Variants in PYCR1 observed in about 807,000 individuals in gnomAD.
PYCR1 encodes the protein pyrroline-5-carboxylate reductase 1, also known as pyrroline-5-carboxylate reductase 1, mitochondrial.
A neutral mutation model predicts 22.9 loss-of-function variants in PYCR1; 19 were observed. The ratio of observed to expected loss-of-function variants is 0.83; its 90% CI spans 0.58 to 1.22. The LOEUF is 1.22. Ranked by LOEUF, PYCR1 falls within the 50% of genes most tolerant of loss-of-function variation. The pLI, the probability that PYCR1 is intolerant of heterozygous loss-of-function variation, is 0.00. For synonymous variants in PYCR1, 175 were observed against 180.5 expected, an observed-to-expected ratio of 0.97 and a Z score of 0.24; for missense variants, 429 against 431.3, an observed-to-expected ratio of 0.99 and a Z score of 0.05.
chr17:81,934,254 C>T, intron 6 of PYCR1, 72 bp downstream of exon 6: 10 of 1,586,124 alleles, frequency 6.3e-6, no homozygotes, highest in Non-Finnish European at 8.6e-6. Flanking sequence ...CGTGAATGAG[C>T]AGATGTGTGT....
Position 81,934,695 on chromosome 17 carries a change from A to G in PYCR1, c.591T>C (p.Leu197=), listed in dbSNP as rs748029962. ...CGAGGCGGACTGCCAGGCGCCTTGG[A>G]AGTCCCATCTTCACACCCCCATCAG... ...ALADGGVKMG[L]PRRLAVRLGA... is the part of the protein sequence containing the mutation. The change falls in exon 5 of 7, where the codon CTT becomes CTC. Residue 197 remains leucine, a synonymous_variant. Coordinates refer to ENST00000329875, the MANE Select transcript of PYCR1 (RefSeq NM_006907.4). The G allele has an allele frequency of 2.5e-6, 4 of 1,573,094 alleles. No individual in the cohort carries two copies. The South Asian group carries it at 4.7e-5, about 18-fold the overall frequency.
chr17:81,937,168 G>A lies in PYCR1; in HGVS notation c.-354C>T. On this transcript the variant is annotated 5_prime_UTR_variant, in exon 1 of 7. Transcript: ENST00000329875. ...CCCGTCTGGGTTCCCACCCCGCCCA[G>A]AACTGGGCTACCGTCGCGCCCCACC... The A allele has an allele frequency of 6.8e-7, 1 of 1,469,112 alleles. No individual in the cohort carries two copies. Among genetic ancestry groups the A allele is most frequent in the Non-Finnish European group, 9.0e-7 (1 of 1,116,034 alleles). The allele number at this position is 1,469,112 out of a possible 1,614,324, so 91.0% of individuals were successfully genotyped here.
rs138195513 is a variant in PYCR1 at position 81,935,137 on chromosome 17, G to A, written c.329C>T (p.Ala110Val). ...GATGACCCTGGGGGCTGGCCGAAAC[G>A]CTGACAGCTTCTGGAAGAGAAACCA... Reference protein sequence around the residue: ...TISSIEKKLSAFRPAPRVIRC... With the variant: ...TISSIEKKLSVFRPAPRVIRC... The change falls in exon 4 of 7, where the codon GCG (alanine) becomes GTG (valine). Residue 110 changes from alanine to valine, a missense_variant. By Grantham distance (64) the Ala-to-Val change is moderately conservative (BLOSUM62 0). Coordinates refer to ENST00000329875, the MANE Select transcript of PYCR1 (RefSeq NM_006907.4). 3.4e-4 allele frequency: 550 copies of A among 1,607,348 alleles called. 5 individuals are homozygous for A. The East Asian group carries it at 8.3e-3, about 24-fold the overall frequency.
intron 6 of PYCR1, 102 bp from the exon 7 acceptor site, chr17:81,933,478 G>T: frequency 7.1e-7 from 1 of 1,405,578 alleles, no homozygotes; most frequent in Non-Finnish European, 9.8e-7. Context: ...GGGCGATGCT[G>T]TCACCCTCAC....
chr17:81,934,397 C>T lies in PYCR1; in HGVS notation c.726G>A (p.Leu242=). The change falls in exon 6 of 7, where the codon TTG becomes TTA. Residue 242 remains leucine, a synonymous_variant. Coordinates refer to ENST00000329875, the MANE Select transcript of PYCR1 (RefSeq NM_006907.4). ...SSPGGATIHA[L]HVLESGGFRS... is the part of the protein sequence containing the mutation. ...GGAAGCCCCCACTCTCCAGCACATG[C>T]AAGGCATGGATGGTGGCCCCACCAG... 1 of 1,612,590 alleles carries T rather than the reference C, an allele frequency of 6.2e-7. No individual in the cohort carries two copies. The highest frequency in any genetic ancestry group is 8.5e-7 in the Non-Finnish European group (1 of 1,179,856).
At chr17:81,933,496 C>T (rs2041054550) in intron 6 of PYCR1, 120 bp from the exon 7 acceptor site, 2 of 1,205,682 alleles carry the variant, frequency 1.7e-6, no homozygotes, top group Non-Finnish European at 1.2e-6. Context: ...CACCTCAGCA[C>T]CTTTATTCCC....
rs769993684 is a variant in PYCR1, at chr17:81,933,086, G to C, written c.*128C>G. On this transcript the variant is annotated 3_prime_UTR_variant, in exon 7 of 7. Transcript: ENST00000329875. ...GTGGGAAGTGATGTGGCCCCTCCCT[G>C]GCTATGTCCCTGGCTGGCCCCTGCG... is the stretch of plus-strand genomic sequence containing the variant. The C allele has an allele frequency of 1.1e-4, 173 of 1,590,808 alleles. No homozygotes were observed. The highest frequency in any genetic ancestry group is 3.3e-4 in the Middle Eastern group (2 of 6,040).
intron 1 of PYCR1, 72 bp from the exon 2 acceptor site, chr17:81,936,265 GC>G: frequency 6.8e-7 from 1 of 1,480,340 alleles, no homozygotes; most frequent in Non-Finnish European, 9.3e-7. Flanking sequence ...TCGCTGTGTT[GC>G]CCAGGCTGGA....
rs945124358 is a variant in PYCR1, at chr17:81,932,548, C to T, written c.*666G>A. On this transcript the variant is annotated 3_prime_UTR_variant, in exon 7 of 7. Coordinates refer to ENST00000329875, the MANE Select transcript of PYCR1 (RefSeq NM_006907.4). Reference sequence around the variant, plus strand: ...CTCATGTGGCAGACAGAAGTCAGGACACTGGGGGCTGGAAACCAACTTATA... The same window carrying T: ...CTCATGTGGCAGACAGAAGTCAGGATACTGGGGGCTGGAAACCAACTTATA... 2 of 390,104 alleles carry T rather than the reference C, an allele frequency of 5.1e-6. No homozygotes were observed. The highest frequency in any genetic ancestry group is 9.8e-6 in the Non-Finnish European group (2 of 203,922). 24.2% of individuals were successfully genotyped at this position (390,104 alleles called of 1,614,324 possible).
At position 81,934,340 on chromosome 17, in the gene PYCR1, G is replaced by T. The variant is rs138075415; in HGVS notation, c.783C>A (p.Ser261=). The part of the protein sequence containing the change: ...RSLLINAVEA[S]CIRTRELQSM... ...CGGGGGCCCACCGTGTGCGGATGCA[G>T]GAGGCCTCCACAGCGTTGATGAGCA... is the stretch of plus-strand genomic sequence containing the variant. Residue 261 remains serine (S), a synonymous_variant, in exon 6 of 7, where the codon TCC becomes TCA. Transcript: ENST00000329875. 6.2e-7 allele frequency: 1 copy of T among 1,612,954 alleles called. No homozygotes were observed. Among genetic ancestry groups the T allele is most frequent in the South Asian group, 1.1e-5 (1 of 90,992 alleles).
chr17:81,934,895 C>T (rs368378149), intron 4 of PYCR1, 31 bp downstream of exon 4: 331 of 1,605,992 alleles, frequency 2.1e-4, no homozygotes, highest in Middle Eastern at 3.8e-4. Context: ...GGGAAGTGCC[C>T]GCCGCCGCCA....
rs2041142600 is a variant in PYCR1, at chr17:81,935,114, T to TG, written c.351dup (p.Ile118HisfsTer51). 2 of 1,609,626 alleles carry TG rather than the reference T, an allele frequency of 1.2e-6. No homozygotes were observed. The highest frequency in any genetic ancestry group is 3.3e-5 in the Admixed American group (2 of 59,992). On this transcript the variant is annotated frameshift_variant, in exon 4 of 7. Coordinates refer to ENST00000329875, the MANE Select transcript of PYCR1 (RefSeq NM_006907.4). LOFTEE classifies it high-confidence loss of function. Reference sequence around the variant, plus strand: ...ACTGGAGTGTTGGTCATGCAGCGGATGACCCTGGGGGCTGGCCGAAACGCT... The same window carrying TG: ...ACTGGAGTGTTGGTCATGCAGCGGATGGACCCTGGGGGCTGGCCGAAACGCT...
rs759180800 is a variant in PYCR1 at position 81,936,775 on chromosome 17, C to T, written c.40G>A (p.Ala14Thr). 3 of 1,610,240 alleles carry T rather than the reference C, an allele frequency of 1.9e-6. No homozygotes were observed. The African/African-American group carries it at 4.0e-5, about 21-fold the overall frequency. ...GFIGAGQLAF[A>T]LAKGFTAAGV... ...GCTGCTGTGAAGCCCTTGGCCAGGG[C>T]AAAAGCCAGCTGGCCAGCGCCGATG... The change falls in exon 1 of 7, where the codon GCC (alanine) becomes ACC (threonine). Residue 14 changes from alanine to threonine, a missense_variant. Transcript: ENST00000329875.
intron 2 of PYCR1, 127 bp downstream of exon 2, chr17:81,935,996 G>T: frequency 1.0e-6 from 1 of 990,870 alleles, no homozygotes; most frequent in Non-Finnish European, 1.6e-6. Flanking sequence ...GCGAGGAGGT[G>T]GGGTCCATGA....
In PYCR1 at chr17:81,936,987, G is replaced by C; in HGVS notation, c.-173C>G. 2 of 1,481,626 alleles carry C rather than the reference G, an allele frequency of 1.3e-6. No homozygotes were observed. The highest frequency in any genetic ancestry group is 1.8e-6 in the Non-Finnish European group (2 of 1,116,448). The allele number at this position is 1,481,626 out of a possible 1,614,324, so 91.8% of individuals were successfully genotyped here. A position where few individuals can be genotyped will look rare whatever the true frequency, so the allele number is the denominator to read the frequency against. On this transcript the variant is annotated 5_prime_UTR_variant, in exon 1 of 7. Transcript: ENST00000329875. ...GGTCTAACTTTCCACTTTGCTGTCC[G>C]GCCCGTTAACTGCTTCGGGGCCCCC...
chr17:81,934,829 AGCCCTCCACCCTG>A (rs2041126516), intron 4 of PYCR1, 84 bp from the exon 5 acceptor site: 2 of 1,546,052 alleles, frequency 1.3e-6, no homozygotes, highest in Admixed American at 1.9e-5. Context: ...ACAGCCTTGG[AGCCCTCCACCCTG>A]GCCCTCCCAG....
In PYCR1 at chr17:81,934,499, G is replaced by C; in HGVS notation, c.634-10C>G. ...GCATCTTGGCAGCCCCCTGCAGCCA[G>C]AAGAAAGGCTGACGGCTGTGGGCAC... On this transcript the variant is annotated splice_polypyrimidine_tract_variant and intron_variant, in intron 5 of 6. Transcript: ENST00000329875. 1 of 1,594,034 alleles carries C rather than the reference G, an allele frequency of 6.3e-7. No homozygotes were observed.
At chr17:81,936,692 T>C (rs916901720) in intron 1 of PYCR1, 56 bp downstream of exon 1, 1 of 1,546,304 alleles carries the variant, frequency 6.5e-7, no homozygotes, top group African/African-American at 1.4e-5. Flanking sequence ...CCTGCAGAAG[T>C]GGAAAGAGGC....
At position 81,936,189 on chromosome 17, in the gene PYCR1, G is replaced by C; in HGVS notation, c.72C>G (p.Val24=). The C allele has an allele frequency of 6.2e-7, 1 of 1,613,628 alleles. No homozygotes were observed. Among genetic ancestry groups the C allele is most frequent in the East Asian group, 2.2e-5 (1 of 44,874 alleles). ...ALAKGFTAAG[V]LAAHKIMASS... ...TAGCCATTATCTTGTGGGCAGCCAAGACGCCTGAGGGGAGAAACAGTTCCT... is the reference window on the plus strand; with the variant it reads ...TAGCCATTATCTTGTGGGCAGCCAACACGCCTGAGGGGAGAAACAGTTCCT... Residue 24 remains valine (V), a synonymous_variant, in exon 2 of 7, where the codon GTC becomes GTG. Transcript: ENST00000329875.
Sources: gnomAD v4.1 joint callset for allele counts on GRCh38, gnomAD v4.1.1 for gene constraint, MANE v1.5 for transcripts, NCBI Gene and HGNC (gene_info 2026-07-23, HGNC 2026-07-21) for gene names.